KCNJ6: variants seen among roughly 807,000 people sequenced by gnomAD.
The protein encoded by KCNJ6 is potassium inwardly rectifying channel subfamily J member 6.
Under a neutral mutation model 34.2 loss-of-function variants are expected in KCNJ6, and 9 were observed. The observed-to-expected ratio is 0.26, with a 90% CI of 0.16 to 0.46. The LOEUF (loss-of-function observed/expected upper bound fraction) is 0.46. Ranked by LOEUF, KCNJ6 falls within the 20% of genes least tolerant of loss-of-function variation. The pLI is 1.00. For missense variants in KCNJ6, 236 were observed against 531.3 expected (o/e 0.44, Z 5.46); for synonymous variants, 196 against 207.1 (o/e 0.95, Z 0.46).
chr21:37,761,359 AGTGT>A (rs974959212), intron 2 of KCNJ6, among the ~76,000 whole-genome samples: 3 of 143,540 alleles, frequency 2.1e-5, no homozygotes, highest in Admixed American at 1.4e-4. Flanking sequence ...TGTTGTATGT[AGTGT>A]GTGTGTATAT....
At chr21:37,639,415 T>TAATA in intron 3 of KCNJ6, among the ~76,000 whole-genome samples, 1 of 152,356 alleles carries the variant, frequency 6.6e-6, no homozygotes, top group East Asian at 1.9e-4. Context: ...CAAAACACTG[T>TAATA]GTTCAAAAGT....
chr21:37,759,078 C>CT (rs1793004726), intron 2 of KCNJ6, among the ~76,000 whole-genome samples: 1 of 152,230 alleles, frequency 6.6e-6, no homozygotes, highest in African/African-American at 2.4e-5. Flanking sequence ...TGGCCCCTAT[C>CT]TGAGGCTCAG....
chr21:37,627,326 C>G (rs1038216395), intron 3 of KCNJ6, among the ~76,000 whole-genome samples: 1 of 152,116 alleles, frequency 6.6e-6, no homozygotes. Flanking sequence ...CTTTATGCCT[C>G]TAAAACAAAC....
intron 3 of KCNJ6, among the ~76,000 whole-genome samples, chr21:37,693,067 G>A (rs1053780109): frequency 6.6e-6 from 1 of 152,108 alleles, no homozygotes; most frequent in Non-Finnish European, 1.5e-5. Flanking sequence ...ATTAAAAATG[G>A]TTAATGGGTA....
chr21:37,853,955 T>C (rs955189849), intron 1 of KCNJ6, among the ~76,000 whole-genome samples: 2 of 149,604 alleles, frequency 1.3e-5, no homozygotes, highest in African/African-American at 4.9e-5. Context: ...AAAAACACTA[T>C]AGATAAATCA....
chr21:37,651,526 G>T (rs576063146), intron 3 of KCNJ6, among the ~76,000 whole-genome samples: 18 of 152,178 alleles, frequency 1.2e-4, no homozygotes, highest in Non-Finnish European at 2.2e-4. Flanking sequence ...ATGGCGGGTA[G>T]ATTGGAGTGG....
chr21:37,811,181 T>C (rs1212620355), intron 2 of KCNJ6, among the ~76,000 whole-genome samples: 1 of 152,160 alleles, frequency 6.6e-6, no homozygotes, highest in Non-Finnish European at 1.5e-5. Flanking sequence ...AGGAGGCTGG[T>C]GCACCCCAAC....
chr21:37,735,530 AATG>A (rs1236470479), intron 2 of KCNJ6, among the ~76,000 whole-genome samples: 1 of 152,200 alleles, frequency 6.6e-6, no homozygotes, highest in Non-Finnish European at 1.5e-5. Flanking sequence ...CAGCTTGGTG[AATG>A]ATGACTTGGC....
At chr21:37,872,428 G>C (rs184443331) in intron 1 of KCNJ6, among the ~76,000 whole-genome samples, 101 of 152,300 alleles carry the variant, frequency 6.6e-4, no homozygotes, top group Middle Eastern at 3.4e-3. Context: ...GCATTAGTTA[G>C]GGAATGGGGC....
At chr21:37,753,042 G>T (rs2055004274) in intron 2 of KCNJ6, among the ~76,000 whole-genome samples, 1 of 152,196 alleles carries the variant, frequency 6.6e-6, no homozygotes, top group Non-Finnish European at 1.5e-5. Context: ...GCTGGGCAGG[G>T]AACACAGGGA....
At chr21:37,646,711 C>T (rs1364295769) in intron 3 of KCNJ6, among the ~76,000 whole-genome samples, 1 of 150,332 alleles carries the variant, frequency 6.7e-6, no homozygotes, top group East Asian at 1.9e-4. Context: ...GGCTCTGTCG[C>T]CCAGGCTGGA....
At position 37,793,007 on chromosome 21, in the gene KCNJ6, G is replaced by A. The variant is rs559676422; in HGVS notation, c.25+47651C>T. Reference sequence around the variant, plus strand: ...AAGATGTACCAGCTAAGGGTGCTCCGGGGGGACTCTGATCCTAGGGCTTGT... The same window carrying A: ...AAGATGTACCAGCTAAGGGTGCTCCAGGGGGACTCTGATCCTAGGGCTTGT... On this transcript the variant is annotated intron_variant, in intron 2 of 3. Transcript: ENST00000609713. Among the ~76,000 whole-genome samples, 267 of 152,176 alleles carry A rather than the reference G, an allele frequency of 1.8e-3. 1 individual carries two copies. Among genetic ancestry groups the A allele is most frequent in the African/African-American group, 5.2e-3 (217 of 41,516 alleles).
intron 1 of KCNJ6, among the ~76,000 whole-genome samples, chr21:37,902,977 A>AT: frequency 6.6e-6 from 1 of 152,178 alleles, no homozygotes; most frequent in East Asian, 1.9e-4. Flanking sequence ...CCTCTTGCAC[A>AT]TATCTTAAGC....
chr21:37,625,561 AGGAGT>A (rs2054307150), intron 3 of KCNJ6, 77 bp from the exon 4 acceptor site: 1 of 1,058,702 alleles, frequency 9.4e-7, no homozygotes, highest in Non-Finnish European at 1.4e-6. Context: ...GAGAGCCAGG[AGGAGT>A]ACTGCATGCA....
At chr21:37,884,081 A>G (rs2055722992) in intron 1 of KCNJ6, among the ~76,000 whole-genome samples, 2 of 152,154 alleles carry the variant, frequency 1.3e-5, no homozygotes, top group African/African-American at 4.8e-5. Flanking sequence ...TAAAAAGTCT[A>G]AAGCAATGAA....
chr21:37,768,341 C>T (rs2055101228), intron 2 of KCNJ6, among the ~76,000 whole-genome samples: 1 of 152,180 alleles, frequency 6.6e-6, no homozygotes, highest in Non-Finnish European at 1.5e-5. Flanking sequence ...TGAATTTTCA[C>T]ATTAATGATA....
chr21:37,751,785 T>C (rs1477869404), intron 2 of KCNJ6, among the ~76,000 whole-genome samples: 3 of 152,124 alleles, frequency 2.0e-5, no homozygotes, highest in Admixed American at 6.5e-5. Flanking sequence ...ACCAATGTAG[T>C]GTAAGCTCCT....
At chr21:37,716,772 A>C (rs772253067) in intron 2 of KCNJ6, among the ~76,000 whole-genome samples, 2 of 152,184 alleles carry the variant, frequency 1.3e-5, no homozygotes, top group Non-Finnish European at 2.9e-5. Flanking sequence ...ACTTGAGTGC[A>C]GGGGAATTTT....
chr21:37,900,329 T>C (rs545054407), intron 1 of KCNJ6, among the ~76,000 whole-genome samples: 2 of 152,302 alleles, frequency 1.3e-5, no homozygotes, highest in African/African-American at 4.8e-5. Flanking sequence ...ACAGGAAGTA[T>C]GTTTTAGAAT....
Sources: gnomAD v4.1 joint callset for allele counts (sites outside exome capture counted in the v4.1 genomes callset) on GRCh38, gnomAD v4.1.1 for gene constraint, MANE v1.5 for transcripts, NCBI Gene and HGNC (gene_info 2026-07-23, HGNC 2026-07-21) for gene names.